Variants in CTNNBL1 observed in about 807,000 individuals in gnomAD.
CTNNBL1 encodes the protein catenin beta like 1.
A neutral mutation model predicts 72.7 loss-of-function variants in CTNNBL1; 31 were observed. That is an observed-to-expected ratio of 0.43 (90% CI 0.32 to 0.58). The LOEUF is 0.58. CTNNBL1 is among the 20% of genes least tolerant of loss of function. The pLI is 0.08. For synonymous variants in CTNNBL1, 240 were observed against 267.3 expected, an observed-to-expected ratio of 0.90 and a Z score of 1.00; for missense variants, 534 against 725.1, an observed-to-expected ratio of 0.74 and a Z score of 3.03.
At chr20:37,841,310 T>C (rs2122815026) in intron 12 of CTNNBL1, among the ~76,000 whole-genome samples, 1 of 152,332 alleles carries the variant, frequency 6.6e-6, no homozygotes, top group East Asian at 1.9e-4. Flanking sequence ...CACGGAGATC[T>C]TAGTAGTCAC....
intron 13 of CTNNBL1, among the ~76,000 whole-genome samples, chr20:37,856,300 C>T (rs1185117326): frequency 6.6e-6 from 1 of 151,896 alleles, no homozygotes; most frequent in African/African-American, 2.4e-5. Context: ...TCAAGGAACG[C>T]ACACAAGGAA....
At chr20:37,825,548 G>A (rs1182856192) in intron 11 of CTNNBL1, among the ~76,000 whole-genome samples, 1 of 152,072 alleles carries the variant, frequency 6.6e-6, no homozygotes, top group Non-Finnish European at 1.5e-5. Flanking sequence ...GGTGGTGGGC[G>A]CCTGTAATCT....
chr20:37,830,850 A>G (rs1269488890), intron 11 of CTNNBL1, among the ~76,000 whole-genome samples: 1 of 152,210 alleles, frequency 6.6e-6, no homozygotes, highest in Non-Finnish European at 1.5e-5. Flanking sequence ...GTATCACATA[A>G]TATATTGAAT....
chr20:37,773,484 G>A (rs1357321632), intron 7 of CTNNBL1, among the ~76,000 whole-genome samples: 1 of 152,192 alleles, frequency 6.6e-6, no homozygotes, highest in Non-Finnish European at 1.5e-5. Flanking sequence ...AAGAGAGCCA[G>A]GCTCCTGGAT....
At chr20:37,846,579 A>G (rs1238272726) in intron 13 of CTNNBL1, among the ~76,000 whole-genome samples, 1 of 152,032 alleles carries the variant, frequency 6.6e-6, no homozygotes, top group African/African-American at 2.4e-5. Flanking sequence ...GTGGTCAGAG[A>G]AGCTTTAGCT....
At chr20:37,695,860 A>C (rs2122530880) in intron 1 of CTNNBL1, among the ~76,000 whole-genome samples, 1 of 152,342 alleles carries the variant, frequency 6.6e-6, no homozygotes, top group Middle Eastern at 3.4e-3. Context: ...AAATATTAGC[A>C]GTTATTTTCA....
At chr20:37,821,282 G>C (rs2072104964) in intron 11 of CTNNBL1, among the ~76,000 whole-genome samples, 1 of 152,216 alleles carries the variant, frequency 6.6e-6, no homozygotes, top group African/African-American at 2.4e-5. Flanking sequence ...TGGTTGGCTT[G>C]CTTGTTTCCA....
At chr20:37,793,355 C>G (rs1404189937) in intron 10 of CTNNBL1, among the ~76,000 whole-genome samples, 2 of 152,086 alleles carry the variant, frequency 1.3e-5, no homozygotes. Flanking sequence ...TTAATCGACC[C>G]TTTTATTATT....
rs183938010 is a variant in CTNNBL1, at chr20:37,825,412, C to T, written c.1214-14690C>T. Among the ~76,000 whole-genome samples the T allele has an allele frequency of 1.4e-3, 207 of 152,124 alleles. 2 individuals carry two copies. The highest frequency in any genetic ancestry group is 4.6e-3 in the African/African-American group (193 of 41,506). ...AACTGAGGCCGGGCGTGACGGCTCA[C>T]GCCTGTAATCCCAGCACTTTGGGAG... On this transcript the variant is annotated intron_variant, in intron 11 of 15. Coordinates refer to ENST00000361383, the MANE Select transcript of CTNNBL1 (RefSeq NM_030877.5).
intron 10 of CTNNBL1, among the ~76,000 whole-genome samples, chr20:37,790,521 C>CAAGTT (rs2073714882): frequency 6.6e-6 from 1 of 152,174 alleles, no homozygotes; most frequent in South Asian, 2.1e-4. Context: ...CTTTCCTCTT[C>CAAGTT]AAGTTTAATA....
chr20:37,813,897 A>G (rs2122757524), intron 11 of CTNNBL1, among the ~76,000 whole-genome samples: 1 of 152,370 alleles, frequency 6.6e-6, no homozygotes, highest in Admixed American at 6.5e-5. Flanking sequence ...CTGGTTTATT[A>G]AAATTGAACA....
At chr20:37,804,863 A>G (rs6021033) in intron 11 of CTNNBL1, among the ~76,000 whole-genome samples, 1 of 152,206 alleles carries the variant, frequency 6.6e-6, no homozygotes, top group Non-Finnish European at 1.5e-5. Context: ...CTTTAGAGTA[A>G]CCGCATTAGG....
chr20:37,783,257 T>C (rs1184758643), intron 10 of CTNNBL1, among the ~76,000 whole-genome samples: 2 of 152,190 alleles, frequency 1.3e-5, no homozygotes, highest in Non-Finnish European at 2.9e-5. Flanking sequence ...TGATCCTCTC[T>C]CTTTTTTTCT....
In CTNNBL1 at chr20:37,715,161, T is replaced by C. The variant is rs6012894; in HGVS notation, c.31-17718T>C. Among the ~76,000 whole-genome samples the C allele has an allele frequency of 4.6e-3, 693 of 152,294 alleles. 9 individuals are homozygous for C. Among genetic ancestry groups the C allele is most frequent in the East Asian group, 0.017 (89 of 5,184 alleles). On this transcript the variant is annotated intron_variant, in intron 1 of 15. Transcript: ENST00000361383. ...CTGTAGTAATCACAGAAACCAGTTA[T>C]AGCAAGATGATTTCTCAATCTCATG...
intron 11 of CTNNBL1, among the ~76,000 whole-genome samples, chr20:37,821,309 G>A (rs1003434317): frequency 3.3e-5 from 5 of 152,172 alleles, no homozygotes; most frequent in Admixed American, 6.5e-5. Context: ...TGTGAGCTCC[G>A]CTAGGCAAGA....
At chr20:37,852,533 A>G (rs1362525094) in intron 13 of CTNNBL1, among the ~76,000 whole-genome samples, 1 of 152,224 alleles carries the variant, frequency 6.6e-6, no homozygotes, top group Non-Finnish European at 1.5e-5. Context: ...GAACGCCATC[A>G]GCCAACATCC....
intron 13 of CTNNBL1, among the ~76,000 whole-genome samples, chr20:37,843,027 G>GT: frequency 6.6e-6 from 1 of 152,258 alleles, no homozygotes; most frequent in East Asian, 1.9e-4. Flanking sequence ...GCTTACTATG[G>GT]TGTTATCCCA....
intron 13 of CTNNBL1, among the ~76,000 whole-genome samples, chr20:37,859,610 T>C (rs1234252336): frequency 6.6e-6 from 1 of 152,104 alleles, no homozygotes; most frequent in South Asian, 2.1e-4. Flanking sequence ...AGCTTGTTTT[T>C]TTTTTTTTTA....
chr20:37,718,480 T>C (rs2073011717), intron 1 of CTNNBL1, among the ~76,000 whole-genome samples: 1 of 122,556 alleles, frequency 8.2e-6, no homozygotes, highest in Non-Finnish European at 1.7e-5. Flanking sequence ...CCCACCTCCC[T>C]CCCAGACGGG....
Sources: gnomAD v4.1 joint callset for allele counts (sites outside exome capture counted in the v4.1 genomes callset) on GRCh38, gnomAD v4.1.1 for gene constraint, MANE v1.5 for transcripts, NCBI Gene and HGNC (gene_info 2026-07-23, HGNC 2026-07-21) for gene names.